TPCN2: variants seen among roughly 807,000 people sequenced by gnomAD.
TPCN2 encodes the protein two pore channel protein 2.
A neutral mutation model predicts 111.4 loss-of-function variants in TPCN2; 92 were observed. The observed-to-expected ratio is 0.83, with a 90% CI of 0.70 to 0.98. The LOEUF is 0.98. Among genes scored for constraint, TPCN2 ranks in the 50% least tolerant of loss-of-function variants. TPCN2 has a pLI of 0.00. For missense variants in TPCN2, 995 were observed against 980.1 expected (o/e 1.02, Z -0.20); for synonymous variants, 405 against 414.5 (o/e 0.98, Z 0.28).
chr11:69,064,336 G>A (rs1008791143), intron 7 of TPCN2, among the ~76,000 whole-genome samples: 2 of 119,228 alleles, frequency 1.7e-5, no homozygotes, highest in Non-Finnish European at 3.2e-5. Flanking sequence ...GCTATTCACT[G>A]AGGGTGGGTC....
chr11:69,065,809 A>AT (rs1433714206), intron 7 of TPCN2, among the ~76,000 whole-genome samples: 2 of 152,060 alleles, frequency 1.3e-5, no homozygotes, highest in Non-Finnish European at 2.9e-5. Flanking sequence ...GTGCTGTCCC[A>AT]TTTTACAGAT....
intron 13 of TPCN2, among the ~76,000 whole-genome samples, chr11:69,077,046 C>G (rs1235288082): frequency 7.7e-4 from 70 of 90,672 alleles, no homozygotes; most frequent in Non-Finnish European, 8.1e-4. Flanking sequence ...TGTCCCTCCA[C>G]CTGCCCTCGT....
intron 5 of TPCN2, among the ~76,000 whole-genome samples, chr11:69,059,231 G>C (rs943271830): frequency 3.3e-5 from 5 of 152,074 alleles, no homozygotes; most frequent in African/African-American, 9.7e-5. Context: ...AGGTGGCCCA[G>C]AGGACCCCCA....
intron 22 of TPCN2, 115 bp downstream of exon 22, chr11:69,086,045 G>T: frequency 9.7e-7 from 1 of 1,026,896 alleles, no homozygotes. Flanking sequence ...ACGGGGACTC[G>T]GGCCTTGACA....
intron 13 of TPCN2, among the ~76,000 whole-genome samples, chr11:69,075,367 C>T (rs1442077219): frequency 1.3e-5 from 2 of 152,208 alleles, no homozygotes; most frequent in Admixed American, 6.5e-5. Context: ...ATGTAACCTA[C>T]ACACATCCTT....
intron 17 of TPCN2, 141 bp downstream of exon 17, chr11:69,080,024 C>T (rs1019889146): frequency 1.5e-5 from 11 of 734,720 alleles, no homozygotes; most frequent in Admixed American, 8.3e-5. Flanking sequence ...ATGGGTGGGC[C>T]GATCCCACAG....
At position 69,063,940 on chromosome 11, in the gene TPCN2, CG is replaced by C. The variant is rs1855144042; in HGVS notation, c.701del (p.Gly234GlufsTer19). ...AIHLCLFTMFGMLLFAGGKQD... is the reference protein window; with the variant it reads ...AIHLCLFTMFXMLLFAGGKQD... ...TCCACCTGTGCCTCTTCACCATGTT[CG>C]GAATGCTGCTGTTCGCTGGTGGGAA... is the stretch of plus-strand genomic sequence containing the variant. On this transcript the variant is annotated frameshift_variant, in exon 7 of 25. Transcript: ENST00000294309. LOFTEE classifies it high-confidence loss of function. 4 of 1,613,994 alleles carry C rather than the reference CG, an allele frequency of 2.5e-6. No individual in the cohort carries two copies. Among genetic ancestry groups the C allele is most frequent in the Non-Finnish European group, 3.4e-6 (4 of 1,180,008 alleles).
At chr11:69,079,232 C>A in intron 16 of TPCN2, 1 of 621,024 alleles carries the variant, frequency 1.6e-6, no homozygotes, top group South Asian at 2.3e-5. Context: ...TCTACTGCAT[C>A]CGAGTGTCAT....
intron 13 of TPCN2, 48 bp downstream of exon 13, chr11:69,073,049 T>A (rs1484081245): frequency 7.1e-7 from 1 of 1,400,528 alleles, no homozygotes; most frequent in Non-Finnish European, 1.0e-6. Flanking sequence ...GGCCTTCCAG[T>A]TTCCCCTGCC....
chr11:69,064,914 A>C (rs1375105439), intron 7 of TPCN2, among the ~76,000 whole-genome samples: 1 of 150,050 alleles, frequency 6.7e-6, no homozygotes, highest in East Asian at 2.0e-4. Context: ...GTCTGTGTGC[A>C]TGGTGTCTGT....
Position 69,067,504 on chromosome 11 carries a change from A to G in TPCN2, c.728A>G (p.Gln243Arg), listed in dbSNP as rs1274319510. ...TGGAGCTGCCGCTTCTGCTCTTAGC[A>G]GGATGATGGGCAGGACAGGGAGAGG... ...FGMLLFAGGKQDDGQDRERLT... is the reference protein window; with the variant it reads ...FGMLLFAGGKRDDGQDRERLT... Residue 243 changes from glutamine (Q) to arginine (R), a missense_variant and splice_region_variant, in exon 8 of 25, where the codon CAG (glutamine) becomes CGG (arginine). Physicochemically the swap from Gln to Arg is conservative, Grantham distance 43. Coordinates refer to ENST00000294309, the MANE Select transcript of TPCN2 (RefSeq NM_139075.4). 48 of 1,613,066 alleles carry G rather than the reference A, an allele frequency of 3.0e-5. No homozygotes were observed. The highest frequency in any genetic ancestry group is 3.6e-5 in the Non-Finnish European group (43 of 1,179,886).
chr11:69,085,772 C>G lies in TPCN2; in HGVS notation c.1920+20C>G. The G allele has an allele frequency of 6.2e-7, 1 of 1,613,482 alleles. No individual in the cohort carries two copies. The highest frequency in any genetic ancestry group is 8.5e-7 in the Non-Finnish European group (1 of 1,179,422). Reference sequence around the variant, plus strand: ...TTTGCGGTGAGCCCTGCGCCCTGTCCCAGCACCCTGCTCCCCGGGCTCCTC... The same window carrying G: ...TTTGCGGTGAGCCCTGCGCCCTGTCGCAGCACCCTGCTCCCCGGGCTCCTC... On this transcript the variant is annotated intron_variant, in intron 21 of 24. Transcript: ENST00000294309.
chr11:69,066,497 C>T (rs1300788583), intron 7 of TPCN2, among the ~76,000 whole-genome samples: 3 of 152,204 alleles, frequency 2.0e-5, no homozygotes, highest in Non-Finnish European at 2.9e-5. Context: ...CCTTGGGAGC[C>T]CCTGACTGGA....
chr11:69,083,847 C>T, intron 18 of TPCN2, 98 bp from the exon 19 acceptor site: 2 of 1,120,656 alleles, frequency 1.8e-6, no homozygotes, highest in Non-Finnish European at 2.7e-6. Flanking sequence ...TGGCCTGCCC[C>T]ATCTTGCCTT....
rs368328531 is a variant in TPCN2, at chr11:69,064,992, C to T, written c.726+1025C>T. Among the ~76,000 whole-genome samples the T allele has an allele frequency of 8.1e-5, 12 of 147,492 alleles. No individual in the cohort carries two copies. In the South Asian group the frequency reaches 1.1e-3, roughly 13 times the overall value. The stretch of plus-strand genomic sequence containing the variant: ...TGCATGGTGTCTGTATGTCTGTGTG[C>T]GTGTGTGGTGTCTGTGTGCATGGTG... On this transcript the variant is annotated intron_variant, in intron 7 of 24. Coordinates refer to ENST00000294309, the MANE Select transcript of TPCN2 (RefSeq NM_139075.4).
At chr11:69,060,095 G>A (rs1318055538) in intron 5 of TPCN2, among the ~76,000 whole-genome samples, 1 of 152,216 alleles carries the variant, frequency 6.6e-6, no homozygotes, top group Middle Eastern at 3.2e-3. Context: ...AGAAAAGCTC[G>A]TTCAGAGCAG....
At chr11:69,068,005 C>A (rs1302309767) in intron 8 of TPCN2, among the ~76,000 whole-genome samples, 1 of 152,164 alleles carries the variant, frequency 6.6e-6, no homozygotes, top group Non-Finnish European at 1.5e-5. Context: ...GAGCTCCACA[C>A]ATCCACGCTG....
intron 18 of TPCN2, among the ~76,000 whole-genome samples, chr11:69,081,749 T>A (rs1324964158): frequency 6.6e-6 from 1 of 151,982 alleles, no homozygotes; most frequent in African/African-American, 2.4e-5. Flanking sequence ...GGTGCAATGC[T>A]TTGGCCAGTG....
intron 8 of TPCN2, 144 bp from the exon 9 acceptor site, chr11:69,070,286 A>G (rs1354542168): frequency 1.6e-6 from 1 of 626,450 alleles, no homozygotes. Flanking sequence ...TCAGCCTCCC[A>G]AAGTGCTGGG....
Sources: gnomAD v4.1 joint callset for allele counts (sites outside exome capture counted in the v4.1 genomes callset) on GRCh38, gnomAD v4.1.1 for gene constraint, MANE v1.5 for transcripts, NCBI Gene and HGNC (gene_info 2026-07-23, HGNC 2026-07-21) for gene names.